Variants in XPR1 observed in about 807,000 individuals in gnomAD.
The protein encoded by XPR1 is xenotropic and polytropic retrovirus receptor 1.
In XPR1, 28 loss-of-function variants were observed where a neutral mutation model predicts 87.5. The observed-to-expected ratio is 0.32, with a 90% confidence interval of 0.24 to 0.44. The LOEUF (loss-of-function observed/expected upper bound fraction) is 0.44, where lower values mean the gene tolerates loss of function less well. Among genes scored for constraint, XPR1 ranks in the 20% least tolerant of loss-of-function variants. XPR1 has a pLI of 1.00. For missense variants in XPR1, 559 were observed against 862.3 expected, an observed-to-expected ratio of 0.65 and a Z score of 4.41; for synonymous variants, 300 against 306.1, an observed-to-expected ratio of 0.98 and a Z score of 0.21.
chr1:180,675,394 C>T (rs1394846343), intron 1 of XPR1, among the ~76,000 whole-genome samples: 1 of 152,048 alleles, frequency 6.6e-6, no homozygotes, highest in African/African-American at 2.4e-5. Flanking sequence ...GAGTAGCTAC[C>T]TCTGGAGATA....
At chr1:180,635,309 C>T (rs761470865) in intron 1 of XPR1, among the ~76,000 whole-genome samples, 7 of 152,046 alleles carry the variant, frequency 4.6e-5, no homozygotes, top group Admixed American at 2.6e-4. Flanking sequence ...AATAGAACAC[C>T]GGTAAATCTT....
At chr1:180,881,035 T>A (rs115887861) in intron 14 of XPR1, among the ~76,000 whole-genome samples, 4 of 152,028 alleles carry the variant, frequency 2.6e-5, no homozygotes. Context: ...AACATAAAGG[T>A]AGAAATGAAG....
chr1:180,675,780 TGG>T (rs1190693786), intron 1 of XPR1, among the ~76,000 whole-genome samples: 1 of 152,222 alleles, frequency 6.6e-6, no homozygotes, highest in East Asian at 1.9e-4. Flanking sequence ...GCATGTGGTC[TGG>T]GTGACTCATA....
At chr1:180,866,308 T>A (rs1652389227) in intron 12 of XPR1, among the ~76,000 whole-genome samples, 1 of 152,212 alleles carries the variant, frequency 6.6e-6, no homozygotes, top group South Asian at 2.1e-4. Flanking sequence ...GGAGCTTCAT[T>A]AAAAATTTAG....
In XPR1 at chr1:180,704,814, G is replaced by GTTTTTTTTTTTTTTT. The variant is rs567903048; in HGVS notation, c.121+22414_121+22428dup. On this transcript the variant is annotated intron_variant, in intron 2 of 14. Coordinates refer to ENST00000367590, the MANE Select transcript of XPR1 (RefSeq NM_004736.4). ...GCCATTTTTCCAGGGACTGTTGGTT[G>GTTTTTTTTTTTTTTT]TTTTTTTTTTTTTTTTTTTTTTTTT... Among the ~76,000 whole-genome samples, 6 of 51,944 alleles carry GTTTTTTTTTTTTTTT rather than the reference G, an allele frequency of 1.2e-4. 1 individual carries two copies. The highest frequency in any genetic ancestry group is 2.9e-4 in the Admixed American group (1 of 3,402). 34.1% of individuals were successfully genotyped at this position (51,944 alleles called of 152,430 possible).
chr1:180,716,451 C>A (rs1657998330), intron 2 of XPR1, among the ~76,000 whole-genome samples: 1 of 152,148 alleles, frequency 6.6e-6, no homozygotes, highest in Non-Finnish European at 1.5e-5. Context: ...GTTTTGGTAT[C>A]ATCACTTTTC....
At chr1:180,797,879 T>A (rs1004556446) in intron 3 of XPR1, among the ~76,000 whole-genome samples, 1 of 152,192 alleles carries the variant, frequency 6.6e-6, no homozygotes, top group South Asian at 2.1e-4. Context: ...CATGAAAATA[T>A]TACTGAAACG....
At chr1:180,640,216 CTG>C (rs1654921160) in intron 1 of XPR1, among the ~76,000 whole-genome samples, 1 of 152,168 alleles carries the variant, frequency 6.6e-6, no homozygotes. Flanking sequence ...TCAAATCAGA[CTG>C]TGGAGCTGTT....
chr1:180,881,705 C>T (rs563723149), intron 14 of XPR1, among the ~76,000 whole-genome samples: 2 of 152,196 alleles, frequency 1.3e-5, no homozygotes, highest in African/African-American at 2.4e-5. Context: ...GAGGTAGTAT[C>T]AGTAACTCAT....
chr1:180,710,152 A>G (rs548794646), intron 2 of XPR1, among the ~76,000 whole-genome samples: 1 of 150,138 alleles, frequency 6.7e-6, no homozygotes, highest in East Asian at 2.0e-4. Context: ...TTCGCCTCCC[A>G]AAGTGCTGGG....
chr1:180,824,976 A>AT, intron 8 of XPR1, 33 bp downstream of exon 8: 2 of 1,600,648 alleles, frequency 1.2e-6, no homozygotes, highest in Non-Finnish European at 1.7e-6. Context: ...CCTCATGAAT[A>AT]TAGTTTGCAT....
intron 2 of XPR1, among the ~76,000 whole-genome samples, chr1:180,753,171 T>C (rs1183538348): frequency 6.6e-6 from 1 of 152,188 alleles, no homozygotes; most frequent in African/African-American, 2.4e-5. Flanking sequence ...TCAAGATTGT[T>C]GTATGCAAGT....
At chr1:180,715,432 T>C (rs2101990078) in intron 2 of XPR1, among the ~76,000 whole-genome samples, 1 of 152,270 alleles carries the variant, frequency 6.6e-6, no homozygotes, top group South Asian at 2.1e-4. Flanking sequence ...TTATTTTTTA[T>C]CATAGGAAAC....
chr1:180,747,198 T>TA (rs1647289538), intron 2 of XPR1, among the ~76,000 whole-genome samples: 1 of 152,172 alleles, frequency 6.6e-6, no homozygotes, highest in Admixed American at 6.5e-5. Context: ...TCCTAAAACT[T>TA]AGACGTAAGT....
At chr1:180,723,444 T>C (rs867672810) in intron 2 of XPR1, among the ~76,000 whole-genome samples, 32 of 152,274 alleles carry the variant, frequency 2.1e-4, no homozygotes, top group Non-Finnish European at 3.4e-4. Context: ...TGAAATTCTT[T>C]CAGTCAATCT....
chr1:180,760,937 A>C (rs564443548), intron 2 of XPR1, among the ~76,000 whole-genome samples: 4,122 of 152,072 alleles, frequency 0.027, 182 homozygotes, highest in African/African-American at 0.092. Flanking sequence ...AATGGAACAG[A>C]ACAGAGCCCT....
rs1331496643 is a variant in XPR1, at chr1:180,840,558, G to GTGTA, written c.1501+3845_1501+3846insATGT. On this transcript the variant is annotated intron_variant, in intron 11 of 14. Transcript: ENST00000367590. ...TGTGTGTGTGTGTGTGTGTGTGTGT[G>GTGTA]TGTGTGTGTATATATATATATATAT... Among the ~76,000 whole-genome samples, 6 of 135,026 alleles carry GTGTA rather than the reference G, an allele frequency of 4.4e-5. No homozygotes were observed. In the East Asian group the frequency reaches 1.1e-3, roughly 24 times the overall value. 88.6% of individuals were successfully genotyped at this position (135,026 alleles called of 152,430 possible). A position where few individuals can be genotyped will look rare whatever the true frequency, so the allele number is the denominator to read the frequency against.
rs777414436 is a variant in XPR1 at position 180,873,829 on chromosome 1, G to A, written c.1695G>A (p.Glu565=). The A allele has an allele frequency of 1.9e-6, 3 of 1,613,906 alleles. No homozygotes were observed. The highest frequency in any genetic ancestry group is 2.7e-5 in the African/African-American group (2 of 74,896). The change falls in exon 13 of 15, where the codon GAG becomes GAA. Residue 565 remains glutamate (E), a synonymous_variant. Coordinates refer to ENST00000367590, the MANE Select transcript of XPR1 (RefSeq NM_004736.4). ...CCTACTACTACTGTGCCATAATAGA[G>A]GATGTGATTCTGCGCTTTGCTTGGA... The part of the protein sequence containing the change: ...QKAYYYCAII[E]DVILRFAWTI...
intron 2 of XPR1, among the ~76,000 whole-genome samples, chr1:180,776,491 A>G (rs1315749174): frequency 1.3e-5 from 2 of 152,172 alleles, no homozygotes; most frequent in African/African-American, 2.4e-5. Flanking sequence ...CCATTATACA[A>G]TTAAAACAAA....
Sources: gnomAD v4.1 joint callset for allele counts (sites outside exome capture counted in the v4.1 genomes callset) on GRCh38, gnomAD v4.1.1 for gene constraint, MANE v1.5 for transcripts, NCBI Gene and HGNC (gene_info 2026-07-23, HGNC 2026-07-21) for gene names.